The following KBTBD8 variants were observed in gnomAD, a reference collection of about 807,000 sequenced individuals.
KBTBD8 encodes the protein kelch repeat and BTB domain-containing protein 8.
A neutral mutation model predicts 53.5 loss-of-function variants in KBTBD8; 31 were observed. The observed-to-expected ratio is 0.58, with a 90% CI of 0.44 to 0.78. The LOEUF is 0.78. KBTBD8 is among the 30% of genes least tolerant of loss of function. The pLI, the probability that KBTBD8 is intolerant of heterozygous loss-of-function variation, is 0.00. For missense variants in KBTBD8, 642 were observed against 735.8 expected (o/e 0.87, Z 1.48); for synonymous variants, 250 against 247.3 (o/e 1.01, Z -0.10).
Position 67,003,598 on chromosome 3 carries a change from GAGCATGTTTATGAA to G in KBTBD8, c.637_650del (p.Val213TyrfsTer5), listed in dbSNP as rs1444103619. 1 of 1,613,972 alleles carries G rather than the reference GAGCATGTTTATGAA, an allele frequency of 6.2e-7. No homozygotes were observed. The highest frequency in any genetic ancestry group is 8.5e-7 in the Non-Finnish European group (1 of 1,179,920). ...TGACGATTTAAATGTAGACCGAGAA[GAGCATGTTTATGAA>G]AGCATTATAAGGTGGTTTGAGCATG... On this transcript the variant is annotated frameshift_variant, in exon 3 of 4. Transcript: ENST00000417314. LOFTEE classifies it high-confidence loss of function.
rs1218591243 is a variant in KBTBD8, at chr3:67,003,909, G to A, written c.942G>A (p.Val314=). The change falls in exon 3 of 4, where the codon GTG becomes GTA. Residue 314 remains valine (V), a synonymous_variant. Transcript: ENST00000417314. The stretch of plus-strand genomic sequence containing the variant: ...GTCTAGATATAGTCACAGGAAGGGT[G>A]TTTAAACTATGCAAACCACCAAATG... ...VPCLDIVTGR[V]FKLCKPPNDL... 1.2e-6 allele frequency: 2 copies of A among 1,614,054 alleles called. No individual in the cohort carries two copies. Among genetic ancestry groups the A allele is most frequent in the Non-Finnish European group, 1.7e-6 (2 of 1,180,050 alleles).
At position 67,004,195 on chromosome 3, in the gene KBTBD8, T is replaced by C; in HGVS notation, c.1228T>C (p.Ser410Pro). 4 of 1,614,198 alleles carry C rather than the reference T, an allele frequency of 2.5e-6. No homozygotes were observed. The highest frequency in any genetic ancestry group is 3.4e-6 in the Non-Finnish European group (4 of 1,180,024). ...AGGTGATGGGAGAAACTCACTAAAA[T>C]CTGTTGAGTGCTACGACAGTAGAGA... is the stretch of plus-strand genomic sequence containing the variant. ...YEGDGRNSLKSVECYDSRENC... is the reference protein window; with the variant it reads ...YEGDGRNSLKPVECYDSRENC... The change falls in exon 3 of 4, where the codon TCT becomes CCT. Residue 410 changes from serine (S) to proline (P), a missense_variant. Coordinates refer to ENST00000417314, the MANE Select transcript of KBTBD8 (RefSeq NM_032505.3).
intron 2 of KBTBD8, among the ~76,000 whole-genome samples, chr3:67,000,302 A>G (rs1702005707): frequency 6.6e-6 from 1 of 152,224 alleles, no homozygotes; most frequent in South Asian, 2.1e-4. Flanking sequence ...GAAAGAAAAA[A>G]AAACTCACAT....
At chr3:67,007,319 G>GTTT (rs35767804) in intron 3 of KBTBD8, among the ~76,000 whole-genome samples, 10 of 134,362 alleles carry the variant, frequency 7.4e-5, no homozygotes, top group South Asian at 2.4e-4. Flanking sequence ...TCAAGTTTGT[G>GTTT]TTTTTTTTTT....
rs763644100 is a variant in KBTBD8 at position 67,008,124 on chromosome 3, T to C, written c.1545T>C (p.Phe515=). 2 of 1,614,128 alleles carry C rather than the reference T, an allele frequency of 1.2e-6. No homozygotes were observed. The highest frequency in any genetic ancestry group is 1.7e-6 in the Non-Finnish European group (2 of 1,180,010). Residue 515 remains phenylalanine, a synonymous_variant, in exon 4 of 4, where the codon TTT becomes TTC. Transcript: ENST00000417314. ...ELNKWTRKKD[F]PCDQSINPYL... is the part of the protein sequence containing the mutation. ...ATAAATGGACTCGTAAGAAAGACTT[T>C]CCATGTGATCAGTCCATAAATCCAT...
intron 3 of KBTBD8, 130 bp downstream of exon 3, chr3:67,004,439 A>G: frequency 1.2e-6 from 1 of 851,176 alleles, no homozygotes; most frequent in Non-Finnish European, 1.9e-6. Context: ...AAACTATTGG[A>G]ACAGTCTGTT....
At chr3:67,001,789 T>A (rs1019570209) in intron 2 of KBTBD8, among the ~76,000 whole-genome samples, 3 of 152,212 alleles carry the variant, frequency 2.0e-5, no homozygotes, top group Non-Finnish European at 4.4e-5. Context: ...AGTTGAGTCC[T>A]TGTACCTCCA....
At chr3:67,000,276 G>T (rs969603298) in intron 2 of KBTBD8, among the ~76,000 whole-genome samples, 1 of 152,066 alleles carries the variant, frequency 6.6e-6, no homozygotes, top group Admixed American at 6.6e-5. Flanking sequence ...ATTAATCATC[G>T]CAAGACAGTG....
At chr3:67,002,556 T>A (rs1702027038) in intron 2 of KBTBD8, among the ~76,000 whole-genome samples, 1 of 143,174 alleles carries the variant, frequency 7.0e-6, no homozygotes, top group African/African-American at 2.6e-5. Context: ...TCACTCTGTC[T>A]TCCAGGCTGG....
intron 2 of KBTBD8, among the ~76,000 whole-genome samples, chr3:67,002,513 T>C (rs904559879): frequency 2.0e-3 from 24 of 12,092 alleles, no homozygotes; most frequent in Non-Finnish European, 3.7e-3. Flanking sequence ...ATAGGTATTC[T>C]TTTTTTTTTT....
In KBTBD8 at chr3:66,999,201, T is replaced by TGGTA. The variant is rs780851530; in HGVS notation, c.227+13_227+16dup. The TGGTA allele has an allele frequency of 1.4e-5, 23 of 1,608,818 alleles. No homozygotes were observed. The East Asian group carries it at 4.0e-4, about 28-fold the overall frequency. On this transcript the variant is annotated intron_variant, in intron 2 of 3. Transcript: ENST00000417314. The stretch of plus-strand genomic sequence containing the variant: ...TCAGCCCTTACTTCAGGTATGATGA[T>TGGTA]GGTAGGAACTTCTGTTGGTATCTGC...
At chr3:66,998,515 G>T (rs1701983174) in intron 1 of KBTBD8, 144 bp downstream of exon 1, 1 of 636,426 alleles carries the variant, frequency 1.6e-6, no homozygotes, top group East Asian at 3.4e-5. Flanking sequence ...GAAGAGGGAG[G>T]ATGAATGGTG....
rs1702113593 is a variant in KBTBD8 at position 67,011,209 on chromosome 3, A to G, written c.*2824A>G. ...TATAATAAAACCTTTTCTGATTGAAAACTTCCAGTGTTGCAAAGTGATATC... is the reference window on the plus strand; with the variant it reads ...TATAATAAAACCTTTTCTGATTGAAGACTTCCAGTGTTGCAAAGTGATATC... On this transcript the variant is annotated 3_prime_UTR_variant, in exon 4 of 4. Transcript: ENST00000417314. 6.6e-6 allele frequency: 1 copy of G among 152,580 alleles called. No homozygotes were observed. The highest frequency in any genetic ancestry group is 2.4e-5 in the African/African-American group (1 of 41,416). 9.5% of individuals were successfully genotyped at this position (152,580 alleles called of 1,614,324 possible). A position where few individuals can be genotyped will look rare whatever the true frequency, so the allele number is the denominator to read the frequency against.
chr3:66,998,569 G>A (rs1039227322), intron 1 of KBTBD8, among the ~76,000 whole-genome samples, 198 bp downstream of exon 1: 44 of 152,166 alleles, frequency 2.9e-4, no homozygotes, highest in African/African-American at 9.9e-4. Flanking sequence ...TGGGGAGGCT[G>A]GGTACCCGCC....
At chr3:67,006,959 C>T (rs1383234385) in intron 3 of KBTBD8, among the ~76,000 whole-genome samples, 1 of 152,196 alleles carries the variant, frequency 6.6e-6, no homozygotes, top group Admixed American at 6.5e-5. Flanking sequence ...CAGTCTGACT[C>T]AGCATACCTT....
Position 67,003,758 on chromosome 3 carries a change from G to A in KBTBD8, c.791G>A (p.Ser264Asn). Residue 264 changes from serine to asparagine, a missense_variant, in exon 3 of 4, where the codon AGC becomes AAC. By Grantham distance (46) the Ser-to-Asn change is conservative (BLOSUM62 1). Coordinates refer to ENST00000417314, the MANE Select transcript of KBTBD8 (RefSeq NM_032505.3). ...PPQFAQAIAK[S>N]CVEKGPSNTN... ...CAGTTTGCACAGGCTATAGCCAAAAGCTGTGTAGAAAAGGGACCATCCAAC... is the reference window on the plus strand; with the variant it reads ...CAGTTTGCACAGGCTATAGCCAAAAACTGTGTAGAAAAGGGACCATCCAAC... The A allele has an allele frequency of 1.2e-6, 2 of 1,614,120 alleles. No homozygotes were observed. Among genetic ancestry groups the A allele is most frequent in the Non-Finnish European group, 1.7e-6 (2 of 1,180,000 alleles).
Position 66,999,111 on chromosome 3 carries a change from A to G in KBTBD8, c.147A>G (p.Thr49=). The G allele has an allele frequency of 6.2e-7, 1 of 1,614,200 alleles. No individual in the cohort carries two copies. The highest frequency in any genetic ancestry group is 8.5e-7 in the Non-Finnish European group (1 of 1,180,018). The stretch of plus-strand genomic sequence containing the variant: ...CAATGTACGATGAAGGACAGTTGAC[A>G]GACATTGTAGTGGAAGTGGATCACG... The part of the protein sequence containing the change: ...LKTMYDEGQL[T]DIVVEVDHGK... Residue 49 remains threonine (T), a synonymous_variant, in exon 2 of 4, where the codon ACA becomes ACG. Transcript: ENST00000417314.
chr3:66,998,524 T>G (rs1442991338), intron 1 of KBTBD8, among the ~76,000 whole-genome samples, 153 bp downstream of exon 1: 1 of 151,768 alleles, frequency 6.6e-6, no homozygotes, highest in Non-Finnish European at 1.5e-5. Flanking sequence ...GGATGAATGG[T>G]GCGGAGGGCG....
chr3:67,001,269 A>G (rs891149110), intron 2 of KBTBD8, among the ~76,000 whole-genome samples: 2 of 152,186 alleles, frequency 1.3e-5, no homozygotes, highest in Non-Finnish European at 2.9e-5. Flanking sequence ...AGAAAATCGT[A>G]CTTAATGTTT....
Sources: allele counts gnomAD v4.1 joint callset (sites outside exome capture counted in the v4.1 genomes callset), GRCh38; gene constraint gnomAD v4.1.1; transcripts MANE v1.5; gene names NCBI Gene and HGNC (gene_info 2026-07-23, HGNC 2026-07-21).